ADAMTS16: variants seen among roughly 807,000 people sequenced by gnomAD.
The protein encoded by ADAMTS16 is ADAM metallopeptidase with thrombospondin type 1 motif 16.
In ADAMTS16, 94 loss-of-function variants were observed where a neutral mutation model predicts 145.8. The observed-to-expected ratio is 0.64, with a 90% confidence interval of 0.55 to 0.77. ADAMTS16 has a LOEUF of 0.77. Among genes scored for constraint, ADAMTS16 ranks in the 30% least tolerant of loss-of-function variants. ADAMTS16 has a pLI of 0.00. For missense variants in ADAMTS16, 1,585 were observed against 1,591.5 expected (o/e 1.00, Z 0.07); for synonymous variants, 659 against 604.3 (o/e 1.09, Z -1.33).
At chr5:5,249,869 A>G (rs1737567538) in intron 17 of ADAMTS16, among the ~76,000 whole-genome samples, 1 of 152,158 alleles carries the variant, frequency 6.6e-6, no homozygotes, top group African/African-American at 2.4e-5. Context: ...CTGAGTTGTG[A>G]AAGTGACTCT....
chr5:5,288,264 T>C (rs528879473), intron 18 of ADAMTS16, among the ~76,000 whole-genome samples: 1 of 152,292 alleles, frequency 6.6e-6, no homozygotes, highest in Non-Finnish European at 1.5e-5. Context: ...CCTTGAGAAA[T>C]GAATTAAACC....
chr5:5,306,659 C>A lies in ADAMTS16; in HGVS notation c.3342C>A (p.Cys1114Ter). ...ELERACAPLP[C>*]PRHPPFAAAG... ...AACGTGCCTGCGCCCCGCTTCCATG[C>A]CCCAGGCACCCCCCATTTGCTGCTG... The change falls in exon 21 of 23, where the codon TGC becomes TGA. Residue 1114 changes from cysteine to a stop codon, truncating the protein, a stop_gained. Coordinates refer to ENST00000274181, the MANE Select transcript of ADAMTS16 (RefSeq NM_139056.4). LOFTEE classifies it high-confidence loss of function. The A allele has an allele frequency of 6.2e-7, 1 of 1,614,090 alleles. No individual in the cohort carries two copies. The highest frequency in any genetic ancestry group is 8.5e-7 in the Non-Finnish European group (1 of 1,180,014).
intron 9 of ADAMTS16, among the ~76,000 whole-genome samples, chr5:5,207,008 T>C (rs191324878): frequency 3.3e-5 from 5 of 152,220 alleles, no homozygotes; most frequent in Admixed American, 6.5e-5. Flanking sequence ...GTTCTCTTCC[T>C]TCAGTATTGC....
chr5:5,161,132 G>A (rs1162367691), intron 3 of ADAMTS16, among the ~76,000 whole-genome samples: 2 of 152,140 alleles, frequency 1.3e-5, no homozygotes, highest in African/African-American at 4.8e-5. Context: ...AGAGTTATCT[G>A]TTCTATCCAA....
chr5:5,207,813 G>A (rs947141886), intron 9 of ADAMTS16, among the ~76,000 whole-genome samples: 2 of 151,046 alleles, frequency 1.3e-5, no homozygotes, highest in African/African-American at 4.9e-5. Flanking sequence ...GCCTATTGAT[G>A]TAATAGATTA....
chr5:5,318,492 T>A (rs1734147916), intron 22 of ADAMTS16, among the ~76,000 whole-genome samples: 1 of 152,168 alleles, frequency 6.6e-6, no homozygotes, highest in African/African-American at 2.4e-5. Flanking sequence ...GGTAGTGACA[T>A]AAGCGTGACT....
chr5:5,157,009 G>A (rs1210298956), intron 3 of ADAMTS16, among the ~76,000 whole-genome samples: 1 of 152,038 alleles, frequency 6.6e-6, no homozygotes, highest in Non-Finnish European at 1.5e-5. Flanking sequence ...AGTGATTCCA[G>A]GCATGGATCA....
chr5:5,229,713 C>A (rs1397704177), intron 11 of ADAMTS16, among the ~76,000 whole-genome samples: 1 of 152,162 alleles, frequency 6.6e-6, no homozygotes, highest in African/African-American at 2.4e-5. Flanking sequence ...TTTTCTTTAT[C>A]ATTTAGAGAA....
At chr5:5,143,635 A>G (rs1185022961) in intron 2 of ADAMTS16, among the ~76,000 whole-genome samples, 1 of 152,230 alleles carries the variant, frequency 6.6e-6, no homozygotes, top group African/African-American at 2.4e-5. Flanking sequence ...CTGGGTATAT[A>G]CCCAGAGAAT....
chr5:5,229,807 C>A (rs1415941894), intron 11 of ADAMTS16, among the ~76,000 whole-genome samples: 1 of 152,120 alleles, frequency 6.6e-6, no homozygotes, highest in Non-Finnish European at 1.5e-5. Flanking sequence ...AAGAAGTAAT[C>A]CAGCCAGTCA....
rs143915082 is a variant in ADAMTS16, at chr5:5,232,899, G to A, written c.1850+383G>A. 1.4e-3 allele frequency among the ~76,000 whole-genome samples: 213 copies of A among 151,982 alleles called. 1 individual carries two copies. The highest frequency in any genetic ancestry group is 4.7e-3 in the African/African-American group (194 of 41,468). The stretch of plus-strand genomic sequence containing the variant: ...ATTACAGGTATGAGCCATCGCGCCC[G>A]GCCTCAGCTCTTAATAGCAAGCCTG... On this transcript the variant is annotated intron_variant, in intron 12 of 22. Coordinates refer to ENST00000274181, the MANE Select transcript of ADAMTS16 (RefSeq NM_139056.4).
intron 18 of ADAMTS16, among the ~76,000 whole-genome samples, chr5:5,283,392 AAAG>A (rs1738992899): frequency 6.6e-6 from 1 of 152,184 alleles, no homozygotes; most frequent in South Asian, 2.1e-4. Flanking sequence ...AATTGTAAGA[AAAG>A]AAGTTGACAA....
intron 9 of ADAMTS16, among the ~76,000 whole-genome samples, chr5:5,207,070 G>A (rs1736147126): frequency 6.6e-6 from 1 of 152,112 alleles, no homozygotes; most frequent in South Asian, 2.1e-4. Flanking sequence ...GAATCAGTTT[G>A]TTTATATCCT....
At chr5:5,303,916 C>A in intron 20 of ADAMTS16, 150 bp downstream of exon 20, 1 of 889,880 alleles carries the variant, frequency 1.1e-6, no homozygotes, top group South Asian at 1.8e-5. Flanking sequence ...CCAACAACTT[C>A]ATGGGGTTGC....
intron 4 of ADAMTS16, among the ~76,000 whole-genome samples, chr5:5,182,916 T>C (rs1735381338): frequency 6.6e-6 from 1 of 152,180 alleles, no homozygotes; most frequent in African/African-American, 2.4e-5. Context: ...TCCTCAAACA[T>C]CACTGGGTGA....
intron 18 of ADAMTS16, among the ~76,000 whole-genome samples, chr5:5,274,857 T>G (rs955893846): frequency 2.6e-5 from 4 of 152,172 alleles, no homozygotes; most frequent in Non-Finnish European, 5.9e-5. Context: ...GGTTAAATCA[T>G]TAAATTTTTC....
intron 15 of ADAMTS16, 45 bp from the exon 16 acceptor site, chr5:5,239,636 C>T (rs1216994710): frequency 6.2e-7 from 1 of 1,603,230 alleles, no homozygotes; most frequent in Non-Finnish European, 8.5e-7. Flanking sequence ...TTTGCCCCTG[C>T]TTTCTGGAAT....
chr5:5,223,365 A>C (rs1377918253), intron 11 of ADAMTS16: 1 of 155,704 alleles, frequency 6.4e-6, no homozygotes, highest in Non-Finnish European at 1.4e-5. Flanking sequence ...GCCATTCATT[A>C]TCCTAGGCAA....
chr5:5,314,996 C>T (rs150248074), intron 21 of ADAMTS16, among the ~76,000 whole-genome samples: 164 of 152,344 alleles, frequency 1.1e-3, no homozygotes, highest in African/African-American at 3.8e-3. Context: ...AGCCCATTCT[C>T]ACGCTGCTAA....
Sources: gnomAD v4.1 joint callset for allele counts (sites outside exome capture counted in the v4.1 genomes callset) on GRCh38, gnomAD v4.1.1 for gene constraint, MANE v1.5 for transcripts, NCBI Gene and HGNC (gene_info 2026-07-23, HGNC 2026-07-21) for gene names.